The following MNS1 variants were observed in gnomAD, a reference collection of about 807,000 sequenced individuals.
The protein encoded by MNS1 is meiosis specific nuclear structural 1.
In MNS1, 63 loss-of-function variants were observed where a neutral mutation model predicts 72.0. The ratio of observed to expected loss-of-function variants is 0.87; its 90% CI spans 0.71 to 1.08. MNS1 has a LOEUF of 1.08. MNS1 is among the 50% of genes least tolerant of loss of function. The probability of loss-of-function intolerance (pLI) is 0.00; values close to 1 mark genes in which losing one functional copy is unlikely to be tolerated. For synonymous variants in MNS1, 188 were observed against 172.1 expected (o/e 1.09, Z -0.72); for missense variants, 604 against 562.4 (o/e 1.07, Z -0.75).
chr15:56,441,944 C>T (rs1596260431), intron 7 of MNS1, among the ~76,000 whole-genome samples: 6 of 152,020 alleles, frequency 3.9e-5, no homozygotes, highest in African/African-American at 9.7e-5. Context: ...GGCGTGAACC[C>T]GGGAGGCATA....
At position 56,446,886 on chromosome 15, in the gene MNS1, C is replaced by T. The variant is rs2050908740; in HGVS notation, c.411G>A (p.Arg137=). The part of the protein sequence containing the change: ...KLKAAYMNKE[R]AAQIAEKDAI... ...CATCCTTTTCAGCAATCTGAGCTGC[C>T]CTTTCTTTATTCATGTAAGCTGCTT... The change falls in exon 4 of 10, where the codon AGG becomes AGA. Residue 137 remains arginine (R), a synonymous_variant. Coordinates refer to ENST00000260453, the MANE Select transcript of MNS1 (RefSeq NM_018365.4). 2 of 1,610,366 alleles carry T rather than the reference C, an allele frequency of 1.2e-6. No individual in the cohort carries two copies. Among genetic ancestry groups the T allele is most frequent in the African/African-American group, 1.3e-5 (1 of 74,902 alleles).
rs1387930326 is a variant in MNS1 at position 56,465,052 on chromosome 15, A to G, written c.-80T>C. 1.3e-6 allele frequency: 2 copies of G among 1,574,770 alleles called. No individual in the cohort carries two copies. The highest frequency in any genetic ancestry group is 1.4e-5 in the African/African-American group (1 of 72,932). ...GCAAACGCAGCAGCCAGCAGCCCCA[A>G]GGAGCGCACCTGGCTGCGCGCGCTC... is the stretch of plus-strand genomic sequence containing the variant. On this transcript the variant is annotated 5_prime_UTR_variant, in exon 1 of 10. Coordinates refer to ENST00000260453, the MANE Select transcript of MNS1 (RefSeq NM_018365.4).
At chr15:56,444,796 C>G (rs2050880042) in intron 4 of MNS1, 123 bp from the exon 5 acceptor site, 1 of 907,360 alleles carries the variant, frequency 1.1e-6, no homozygotes, top group Admixed American at 2.7e-5. Flanking sequence ...TTTCATCTGT[C>G]TAGGTTAAAA....
chr15:56,448,566 T>G (rs1374637583), intron 3 of MNS1, among the ~76,000 whole-genome samples: 1 of 152,174 alleles, frequency 6.6e-6, no homozygotes, highest in Non-Finnish European at 1.5e-5. Context: ...GGACATAATT[T>G]CATTGTTTTT....
At chr15:56,429,294 G>A in intron 9 of MNS1, 101 bp from the exon 10 acceptor site, 3 of 727,158 alleles carry the variant, frequency 4.1e-6, no homozygotes, top group South Asian at 1.8e-5. Flanking sequence ...TATCTCCAAG[G>A]TAATGAAATC....
At chr15:56,440,048 C>T (rs1596259097) in intron 7 of MNS1, among the ~76,000 whole-genome samples, 2 of 152,176 alleles carry the variant, frequency 1.3e-5, no homozygotes, top group South Asian at 2.1e-4. Context: ...ATATGAAGAA[C>T]TCTCAAAACC....
chr15:56,460,009 A>AAAAAAAAAAAAAAAAATATATATATATAT, intron 2 of MNS1, among the ~76,000 whole-genome samples: 1 of 26,406 alleles, frequency 3.8e-5, no homozygotes, highest in Non-Finnish European at 7.0e-5. Context: ...AAAAAAAAAA[A>AAAAAAAAAAAAAAAAATATATATATATAT]ATACATATAT....
intron 7 of MNS1, among the ~76,000 whole-genome samples, chr15:56,436,830 C>T (rs564280654): frequency 3.1e-4 from 47 of 152,208 alleles, no homozygotes; most frequent in Middle Eastern, 3.4e-3. Context: ...AACACCTCTA[C>T]GCAAATAAAC....
At chr15:56,438,664 A>C (rs1347569185) in intron 7 of MNS1, among the ~76,000 whole-genome samples, 2 of 152,206 alleles carry the variant, frequency 1.3e-5, no homozygotes, top group African/African-American at 4.8e-5. Flanking sequence ...TAAACTAAAG[A>C]GCTTCCGCAC....
At chr15:56,440,537 C>T (rs2050799558) in intron 7 of MNS1, among the ~76,000 whole-genome samples, 1 of 152,106 alleles carries the variant, frequency 6.6e-6, no homozygotes, top group Non-Finnish European at 1.5e-5. Context: ...CAGATTTACT[C>T]ATCAGAGCTA....
In MNS1 at chr15:56,465,124, G is replaced by A. The variant is rs772998278; in HGVS notation, c.-152C>T. On this transcript the variant is annotated 5_prime_UTR_variant, in exon 1 of 10. Transcript: ENST00000260453. ...GCAACGGTGGAGCTGCGCGCCCTCC[G>A]CTCGACCAAAAGTGACCCACGCAGA... The A allele has an allele frequency of 5.3e-5, 53 of 1,006,442 alleles. No homozygotes were observed. The highest frequency in any genetic ancestry group is 7.7e-5 in the South Asian group (5 of 65,234). The allele number at this position is 1,006,442 out of a possible 1,614,324, so 62.3% of individuals were successfully genotyped here.
chr15:56,453,727 T>G (rs1244407800), intron 3 of MNS1, among the ~76,000 whole-genome samples: 3 of 152,148 alleles, frequency 2.0e-5, no homozygotes, highest in African/African-American at 7.2e-5. Flanking sequence ...CAACTCCAGT[T>G]AAAAACAGCA....
At chr15:56,432,753 C>T (rs1470182114) in intron 8 of MNS1, among the ~76,000 whole-genome samples, 2 of 152,162 alleles carry the variant, frequency 1.3e-5, no homozygotes, top group Non-Finnish European at 2.9e-5. Context: ...TGCTTAGCTT[C>T]TGAGAACAGA....
chr15:56,442,904 GAA>G (rs2050843209), intron 7 of MNS1, among the ~76,000 whole-genome samples: 1 of 148,530 alleles, frequency 6.7e-6, no homozygotes, highest in African/African-American at 2.5e-5. Context: ...GTTGGAAAGA[GAA>G]AAAGAAAAAA....
chr15:56,432,971 A>C (rs1251148593), intron 8 of MNS1, among the ~76,000 whole-genome samples: 2 of 152,200 alleles, frequency 1.3e-5, no homozygotes, highest in African/African-American at 4.8e-5. Flanking sequence ...AAATCTAGTG[A>C]GACAATATAA....
At chr15:56,444,068 G>A (rs1370165226) in intron 5 of MNS1, among the ~76,000 whole-genome samples, 1 of 151,926 alleles carries the variant, frequency 6.6e-6, no homozygotes, top group Non-Finnish European at 1.5e-5. Flanking sequence ...ACCTATTAAT[G>A]AAGTTTTATG....
At position 56,464,954 on chromosome 15, in the gene MNS1, C is replaced by T. The variant is rs757801775; in HGVS notation, c.3+16G>A. 15 of 1,611,518 alleles carry T rather than the reference C, an allele frequency of 9.3e-6. No homozygotes were observed. Among genetic ancestry groups the T allele is most frequent in the South Asian group, 3.3e-5 (3 of 90,506 alleles). ...CAACAATAAACAAGTAGTTTCAAGT[C>T]CCCCAACTGGCTCACCATCTTGGCT... On this transcript the variant is annotated intron_variant, in intron 1 of 9. Transcript: ENST00000260453.
intron 3 of MNS1, among the ~76,000 whole-genome samples, chr15:56,448,373 G>GT (rs1567152558): frequency 6.6e-6 from 1 of 152,124 alleles, no homozygotes; most frequent in Non-Finnish European, 1.5e-5. Flanking sequence ...CAAATGGGTT[G>GT]TTTTTTAACC....
At chr15:56,439,844 G>T (rs896761554) in intron 7 of MNS1, among the ~76,000 whole-genome samples, 1 of 150,164 alleles carries the variant, frequency 6.7e-6, no homozygotes, top group Non-Finnish European at 1.5e-5. Context: ...TAGGCGAAGA[G>T]TTTCTAGAGT....
Sources: allele counts gnomAD v4.1 joint callset (sites outside exome capture counted in the v4.1 genomes callset), GRCh38; gene constraint gnomAD v4.1.1; transcripts MANE v1.5; gene names NCBI Gene and HGNC (gene_info 2026-07-23, HGNC 2026-07-21).